The following FAM200C variants were observed in gnomAD, a reference collection of about 807,000 sequenced individuals.
At chr5:160,393,631 TGAAA>T in the FAM200C span, 37 of 1,095,032 alleles carry the variant, frequency 3.4e-5, no homozygotes, top group Non-Finnish European at 4.7e-5. Flanking sequence ...ATCATAAATA[TGAAA>T]GAGACAGAAT....
the FAM200C span, chr5:160,393,638 GAC>G: frequency 2.6e-6 from 3 of 1,159,574 alleles, no homozygotes; most frequent in Admixed American, 5.4e-5. Context: ...ATATGAAAGA[GAC>G]AGAATTACAG....
At chr5:160,395,505 C>A in the FAM200C span, 14 of 1,607,218 alleles carry the variant, frequency 8.7e-6, no homozygotes, top group Non-Finnish European at 1.2e-5. Context: ...CACAAAAATT[C>A]TCAGGTAGTA....
chr5:160,393,474 C>T, the FAM200C span: 1 of 533,638 alleles, frequency 1.9e-6, no homozygotes, highest in African/African-American at 1.9e-5. Flanking sequence ...ACAGGTTAAA[C>T]AGATACTTAG....
At chr5:160,399,020 A>T in the FAM200C span, among the ~76,000 whole-genome samples, 1 of 152,196 alleles carries the variant, frequency 6.6e-6, no homozygotes. Flanking sequence ...GGGTGGAGAT[A>T]AAAGAAATGA....
chr5:160,395,387 G>A, the FAM200C span: 1 of 1,614,102 alleles, frequency 6.2e-7, no homozygotes, highest in Non-Finnish European at 8.5e-7. Flanking sequence ...TGAAAATACT[G>A]AGTTACACAA....
chr5:160,395,019 A>T, the FAM200C span: 2 of 1,613,914 alleles, frequency 1.2e-6, no homozygotes, highest in Non-Finnish European at 1.7e-6. Flanking sequence ...ACTTGCTGTA[A>T]GATATCCTGG....
At chr5:160,394,801 A>T in the FAM200C span, 986 of 1,613,898 alleles carry the variant, frequency 6.1e-4, no homozygotes, top group Non-Finnish European at 7.7e-4. Context: ...GTGCTATCTT[A>T]TGCTTCAGAA....
chr5:160,394,506 T>C, the FAM200C span: 2 of 1,614,064 alleles, frequency 1.2e-6, no homozygotes, highest in Middle Eastern at 1.6e-4. Flanking sequence ...CTCATTTCAG[T>C]ATGGAAAAGG....
At chr5:160,398,904 A>G in the FAM200C span, among the ~76,000 whole-genome samples, 1 of 152,002 alleles carries the variant, frequency 6.6e-6, no homozygotes, top group Non-Finnish European at 1.5e-5. Context: ...GTGTTTTTAA[A>G]AAGTCCTCAT....
the FAM200C span, among the ~76,000 whole-genome samples, chr5:160,398,366 T>C: frequency 2.6e-5 from 4 of 152,096 alleles, no homozygotes; most frequent in Non-Finnish European, 4.4e-5. Flanking sequence ...CCCTGCCAAC[T>C]TGGCGAAACC....
At chr5:160,396,167 A>G in the FAM200C span, among the ~76,000 whole-genome samples, 1 of 141,874 alleles carries the variant, frequency 7.0e-6, no homozygotes, top group Non-Finnish European at 1.5e-5. Flanking sequence ...CCACCCTTCC[A>G]AGTCTCCTTT....
the FAM200C span, among the ~76,000 whole-genome samples, chr5:160,398,123 T>A: frequency 6.6e-6 from 1 of 152,116 alleles, no homozygotes; most frequent in Admixed American, 6.5e-5. Flanking sequence ...ATGCCTGTAG[T>A]CCCATCTACT....
the FAM200C span, chr5:160,394,543 T>C: frequency 6.2e-7 from 1 of 1,614,178 alleles, no homozygotes; most frequent in Non-Finnish European, 8.5e-7. Context: ...TGCCAATTTC[T>C]TCAAAGAAAG....
chr5:160,394,875 A>C, the FAM200C span: 1 of 1,613,054 alleles, frequency 6.2e-7, no homozygotes, highest in Non-Finnish European at 8.5e-7. Flanking sequence ...GGTTCACAGA[A>C]GAGAAATTCT....
chr5:160,398,336 G>A, the FAM200C span, among the ~76,000 whole-genome samples: 1 of 152,204 alleles, frequency 6.6e-6, no homozygotes, highest in Non-Finnish European at 1.5e-5. Flanking sequence ...GATCACCTGA[G>A]GTCAGGAGTT....
chr5:160,396,046 T>C, the FAM200C span, among the ~76,000 whole-genome samples: 1 of 152,186 alleles, frequency 6.6e-6, no homozygotes, highest in Admixed American at 6.5e-5. Flanking sequence ...TTTTGTTATA[T>C]GCATAGACCA....
chr5:160,395,641 G>A, the FAM200C span: 2 of 676,988 alleles, frequency 3.0e-6, no homozygotes, highest in East Asian at 2.6e-5. Context: ...GATACAGCCT[G>A]CAGCATGTCA....
chr5:160,396,120 A>G, the FAM200C span, among the ~76,000 whole-genome samples: 1 of 151,910 alleles, frequency 6.6e-6, no homozygotes, highest in South Asian at 2.1e-4. Context: ...TGTACTCATT[A>G]TTTCTCATCT....
chr5:160,393,786 G>A, the FAM200C span: 32 of 1,583,540 alleles, frequency 2.0e-5, no homozygotes, highest in Non-Finnish European at 2.6e-5. Context: ...ATAGCCACAC[G>A]GATATCATCA....
Sources: allele counts gnomAD v4.1 joint callset (sites outside exome capture counted in the v4.1 genomes callset), GRCh38; gene constraint gnomAD v4.1.1; transcripts MANE v1.5.